Variants in BMF observed in about 807,000 individuals in gnomAD.
BMF encodes Bcl2 modifying factor, also known as bcl-2-modifying factor.
BMF carries 10 observed loss-of-function variants against 22.0 expected under a neutral mutation model. That is an observed-to-expected ratio of 0.45 (90% CI 0.28 to 0.77). BMF has a LOEUF of 0.77. Among genes scored for constraint, BMF ranks in the 30% least tolerant of loss-of-function variants. The pLI is 0.13. For missense variants in BMF, 206 were observed against 226.8 expected, an observed-to-expected ratio of 0.91 and a Z score of 0.59; for synonymous variants, 87 against 88.1, an observed-to-expected ratio of 0.99 and a Z score of 0.07.
At chr15:40,093,890 C>T (rs2036300340) in intron 4 of BMF, among the ~76,000 whole-genome samples, 1 of 152,152 alleles carries the variant, frequency 6.6e-6, no homozygotes, top group East Asian at 1.9e-4. Context: ...AAATGCAGAC[C>T]CAGCATCAGA....
chr15:40,090,706 C>T lies in BMF; in HGVS notation c.*1081G>A, dbSNP rs982307214. On this transcript the variant is annotated 3_prime_UTR_variant, in exon 5 of 5. Coordinates refer to ENST00000354670, the MANE Select transcript of BMF (RefSeq NM_001003940.2). ...GTCACTTAGCTGGCAAAGCCACTGT[C>T]CTGGCTTCTTCTGTATCCCACTAGG... is the stretch of plus-strand genomic sequence containing the variant. The T allele has an allele frequency of 3.3e-5, 5 of 152,250 alleles. No homozygotes were observed. Among genetic ancestry groups the T allele is most frequent in the African/African-American group, 9.6e-5 (4 of 41,454 alleles). 9.4% of individuals were successfully genotyped at this position (152,250 alleles called of 1,614,324 possible).
chr15:40,094,130 A>C (rs1479490480), intron 4 of BMF, among the ~76,000 whole-genome samples: 1 of 152,214 alleles, frequency 6.6e-6, no homozygotes, highest in Non-Finnish European at 1.5e-5. Flanking sequence ...CAAGGAAAGC[A>C]GATGAGAATT....
rs1712358890 is a variant in BMF, at chr15:40,089,598, G to A, written c.*2189C>T. 1 of 152,232 alleles carries A rather than the reference G, an allele frequency of 6.6e-6. No homozygotes were observed. Among genetic ancestry groups the A allele is most frequent in the Admixed American group, 6.5e-5 (1 of 15,284 alleles). The allele number at this position is 152,232 out of a possible 1,614,324, so 9.4% of individuals were successfully genotyped here. ...CCAGCCTGGGCCTGGCAAGGTCTCT[G>A]AAGCTGATGGCCTTGCCCCAGCACC... On this transcript the variant is annotated 3_prime_UTR_variant, in exon 5 of 5. Transcript: ENST00000354670.
At position 40,104,245 on chromosome 15, in the gene BMF, C is replaced by T; in HGVS notation, c.388G>A (p.Glu130Lys). The change falls in exon 4 of 5, where the codon GAG becomes AAG. Residue 130 changes from glutamate to lysine, a missense_variant. Physicochemically the swap from Glu to Lys is moderately conservative, Grantham distance 56. Transcript: ENST00000354670. ...PPEGQWQHQAEVQIARKLQCI... is the reference protein window; with the variant it reads ...PPEGQWQHQAKVQIARKLQCI... Reference sequence around the variant, plus strand: ...TGAAGCTTTCGGGCAATCTGTACCTCTGCTTGATGTTGCCACTGCCCTTCG... The same window carrying T: ...TGAAGCTTTCGGGCAATCTGTACCTTTGCTTGATGTTGCCACTGCCCTTCG... 6.2e-7 allele frequency: 1 copy of T among 1,614,236 alleles called. No individual in the cohort carries two copies. The highest frequency in any genetic ancestry group is 8.5e-7 in the Non-Finnish European group (1 of 1,180,056).
intron 4 of BMF, among the ~76,000 whole-genome samples, chr15:40,096,369 G>A (rs2036361985): frequency 6.6e-6 from 1 of 152,104 alleles, no homozygotes; most frequent in African/African-American, 2.4e-5. Flanking sequence ...CAGTGTTCCA[G>A]ATGCTCCAGC....
intron 2 of BMF, among the ~76,000 whole-genome samples, chr15:40,107,409 G>A (rs575489187): frequency 2.6e-5 from 4 of 152,068 alleles, no homozygotes; most frequent in African/African-American, 7.3e-5. Context: ...CCCTGCCTTC[G>A]TCCCATCCCA....
intron 4 of BMF, 90 bp from the exon 5 acceptor site, chr15:40,091,978 C>T (rs1450596205): frequency 4.9e-6 from 5 of 1,015,312 alleles, no homozygotes; most frequent in Non-Finnish European, 7.5e-6. Context: ...TTCAGATCTC[C>T]AAGTCTCACG....
Position 40,108,252 on chromosome 15 carries a change from C to CACACA in BMF, c.-6+6_-6+7insTGTGT. The CACACA allele has an allele frequency of 1.1e-5, 1 of 92,890 alleles. No individual in the cohort carries two copies. The highest frequency in any genetic ancestry group is 4.3e-4 in the South Asian group (1 of 2,342). The allele number at this position is 92,890 out of a possible 1,614,324, so 5.8% of individuals were successfully genotyped here. ...CACACACACACACACACACACACAC[C>CACACA]CCAGACCTGGGTGACTCCAGGAGAG... On this transcript the variant is annotated splice_region_variant and intron_variant, in intron 2 of 4. Coordinates refer to ENST00000354670, the MANE Select transcript of BMF (RefSeq NM_001003940.2).
chr15:40,107,601 C>T (rs959943455), intron 2 of BMF, among the ~76,000 whole-genome samples: 3 of 150,160 alleles, frequency 2.0e-5, no homozygotes, highest in Non-Finnish European at 4.4e-5. Context: ...AGGTGGTGCA[C>T]TCCAGCTTAT....
At chr15:40,092,290 C>G (rs1299179349) in intron 4 of BMF, among the ~76,000 whole-genome samples, 7 of 152,136 alleles carry the variant, frequency 4.6e-5, no homozygotes, top group Non-Finnish European at 1.0e-4. Context: ...CCCCCTCTCT[C>G]CCCCGACTCC....
intron 4 of BMF, among the ~76,000 whole-genome samples, chr15:40,093,697 C>G (rs2036296570): frequency 6.6e-6 from 1 of 152,170 alleles, no homozygotes. Context: ...TCCAGTTCTC[C>G]TGAGGTGCTT....
At chr15:40,108,044 G>C (rs2036623066) in intron 2 of BMF, 1 of 152,460 alleles carries the variant, frequency 6.6e-6, no homozygotes, top group South Asian at 2.1e-4. Flanking sequence ...GGTGGGAGGA[G>C]GAGGGCACTT....
At chr15:40,092,423 C>G (rs1316915026) in intron 4 of BMF, among the ~76,000 whole-genome samples, 2 of 151,916 alleles carry the variant, frequency 1.3e-5, no homozygotes, top group Non-Finnish European at 2.9e-5. Flanking sequence ...AATCTGATTT[C>G]ATCCAGTGCA....
chr15:40,106,946 G>A lies in BMF; in HGVS notation c.-5-855C>T, dbSNP rs185578968. Among the ~76,000 whole-genome samples, 7 of 152,296 alleles carry A rather than the reference G, an allele frequency of 4.6e-5. 1 individual carries two copies. Among genetic ancestry groups the A allele is most frequent in the Admixed American group, 4.6e-4 (7 of 15,296 alleles). ...ACAGCCTCCCGCTCCTGCCAGCTCT[G>A]AACCTGAGACTGGTACAACTGGTCT... is the stretch of plus-strand genomic sequence containing the variant. On this transcript the variant is annotated intron_variant, in intron 2 of 4. Coordinates refer to ENST00000354670, the MANE Select transcript of BMF (RefSeq NM_001003940.2). This position sits in a 1 kb window ranked among gnomAD's most constrained non-coding sequence, Gnocchi z 4.1.
At chr15:40,098,047 G>A (rs574123614) in intron 4 of BMF, among the ~76,000 whole-genome samples, 3 of 152,274 alleles carry the variant, frequency 2.0e-5, no homozygotes, top group South Asian at 2.1e-4. Context: ...AACGAGCAAC[G>A]TGGCAAAACG....
chr15:40,089,243 A>G lies in BMF; in HGVS notation c.*2544T>C. 1 of 152,188 alleles carries G rather than the reference A, an allele frequency of 6.6e-6. No homozygotes were observed. The allele number at this position is 152,188 out of a possible 1,614,324, so 9.4% of individuals were successfully genotyped here. A position where few individuals can be genotyped will look rare whatever the true frequency, so the allele number is the denominator to read the frequency against. On this transcript the variant is annotated 3_prime_UTR_variant, in exon 5 of 5. Transcript: ENST00000354670. ...GGAGGGGCAGGTCTCCTGAGGCTAG[A>G]CTTGAGGAATGTTTAGGCCAACTCA... is the stretch of plus-strand genomic sequence containing the variant.
chr15:40,101,233 A>C (rs2036469975), intron 4 of BMF, among the ~76,000 whole-genome samples: 1 of 152,236 alleles, frequency 6.6e-6, no homozygotes, highest in African/African-American at 2.4e-5. Context: ...CAACAAGAAC[A>C]AACGTCGGGG....
intron 4 of BMF, among the ~76,000 whole-genome samples, chr15:40,100,951 C>T (rs2036464318): frequency 6.6e-6 from 1 of 152,190 alleles, no homozygotes. Flanking sequence ...TGTCTAGCCC[C>T]AGGACACTAT....
intron 4 of BMF, among the ~76,000 whole-genome samples, chr15:40,093,951 C>T (rs1244239457): frequency 6.6e-6 from 1 of 152,198 alleles, no homozygotes; most frequent in Non-Finnish European, 1.5e-5. Context: ...TACTTAGCGA[C>T]CACATAGCTA....
Sources: allele counts gnomAD v4.1 joint callset (sites outside exome capture counted in the v4.1 genomes callset), GRCh38; gene constraint gnomAD v4.1.1; non-coding constraint Gnocchi (gnomAD v3.1); transcripts MANE v1.5; gene names NCBI Gene and HGNC (gene_info 2026-07-23, HGNC 2026-07-21).